Variants in EYA2 observed in about 807,000 individuals in gnomAD.
The protein encoded by EYA2 is protein phosphatase EYA2.
In EYA2, 31 loss-of-function variants were observed where a neutral mutation model predicts 69.2. The ratio of observed to expected loss-of-function variants is 0.45; its 90% CI spans 0.34 to 0.60. The LOEUF (loss-of-function observed/expected upper bound fraction) is 0.60. Among genes scored for constraint, EYA2 ranks in the 20% least tolerant of loss-of-function variants. The pLI is 0.02. For synonymous variants in EYA2, 257 were observed against 279.4 expected (o/e 0.92, Z 0.80); for missense variants, 622 against 701.2 (o/e 0.89, Z 1.28).
At chr20:47,094,312 T>A (rs1193082810) in intron 8 of EYA2, among the ~76,000 whole-genome samples, 1 of 152,268 alleles carries the variant, frequency 6.6e-6, no homozygotes, top group Admixed American at 6.5e-5. Flanking sequence ...ACTTGGCATA[T>A]TTGAATCTCA....
At chr20:47,003,810 A>G (rs1982525406) in intron 3 of EYA2, among the ~76,000 whole-genome samples, 1 of 152,210 alleles carries the variant, frequency 6.6e-6, no homozygotes, top group Non-Finnish European at 1.5e-5. Flanking sequence ...GGTTCCAAGC[A>G]TGGGCTCTGG....
intron 10 of EYA2, among the ~76,000 whole-genome samples, chr20:47,160,575 T>C (rs2034044569): frequency 6.6e-6 from 1 of 151,948 alleles, no homozygotes; most frequent in Non-Finnish European, 1.5e-5. Context: ...GATTTGGTGA[T>C]GGATGGGTGG....
At chr20:47,126,821 A>G (rs1276862108) in intron 9 of EYA2, among the ~76,000 whole-genome samples, 2 of 152,192 alleles carry the variant, frequency 1.3e-5, no homozygotes, top group Non-Finnish European at 2.9e-5. Flanking sequence ...TAGGCGTGCT[A>G]CTGAATTTAG....
chr20:47,039,543 G>A (rs1019218599), intron 5 of EYA2, among the ~76,000 whole-genome samples: 6 of 152,300 alleles, frequency 3.9e-5, no homozygotes, highest in Admixed American at 6.5e-5. Context: ...AGAAAGAAAT[G>A]CGTTTTATAT....
At position 47,179,913 on chromosome 20, in the gene EYA2, G is replaced by C. The variant is rs1331672339; in HGVS notation, c.1313+1G>C. On this transcript the variant is annotated splice_donor_variant, in intron 13 of 15. Transcript: ENST00000327619. LOFTEE classifies it high-confidence loss of function. ...AGGCACTAAACCTCATCAACTCCCG[G>C]CAAGTGGCAGCCCTCATTTTCCTCT... The C allele has an allele frequency of 6.2e-7, 1 of 1,611,202 alleles. No homozygotes were observed. Among genetic ancestry groups the C allele is most frequent in the South Asian group, 1.1e-5 (1 of 90,980 alleles).
At chr20:47,186,801 C>A (rs953847188) in intron 15 of EYA2, among the ~76,000 whole-genome samples, 10 of 152,184 alleles carry the variant, frequency 6.6e-5, no homozygotes, top group African/African-American at 2.2e-4. Flanking sequence ...TTAATGATTT[C>A]TTTACATTCT....
At chr20:46,964,197 A>G (rs1056305271) in intron 1 of EYA2, among the ~76,000 whole-genome samples, 10 of 152,246 alleles carry the variant, frequency 6.6e-5, no homozygotes, top group Admixed American at 5.9e-4. Context: ...AGAATTCGAA[A>G]GCCACTGTTT....
At chr20:47,108,408 C>A (rs2032652178) in intron 9 of EYA2, among the ~76,000 whole-genome samples, 1 of 152,198 alleles carries the variant, frequency 6.6e-6, no homozygotes, top group African/African-American at 2.4e-5. Context: ...CAGCCTGAGG[C>A]CTCACCAGAT....
intron 1 of EYA2, among the ~76,000 whole-genome samples, chr20:46,927,865 C>G (rs1426922191): frequency 6.6e-6 from 1 of 152,162 alleles, no homozygotes; most frequent in Non-Finnish European, 1.5e-5. Flanking sequence ...TCGCTAGTAC[C>G]TGTCTCCAAA....
At chr20:46,949,113 G>A (rs967175446) in intron 1 of EYA2, among the ~76,000 whole-genome samples, 2 of 152,170 alleles carry the variant, frequency 1.3e-5, no homozygotes, top group South Asian at 4.1e-4. Context: ...TCCAGAATAT[G>A]GGGTGTTTGA....
At position 47,172,833 on chromosome 20, in the gene EYA2, G is replaced by A; in HGVS notation, c.1164G>A (p.Lys388=). 1.2e-6 allele frequency: 2 copies of A among 1,613,794 alleles called. No individual in the cohort carries two copies. The highest frequency in any genetic ancestry group is 1.7e-6 in the Non-Finnish European group (2 of 1,179,860). The change falls in exon 12 of 16, where the codon AAG becomes AAA. Residue 388 remains lysine (K), a synonymous_variant. Transcript: ENST00000327619. ...TGGCCTTCCGCTACCGGCGGGTGAAGGAGATGTACAATACCTACAAGAACA... is the reference window on the plus strand; with the variant it reads ...TGGCCTTCCGCTACCGGCGGGTGAAAGAGATGTACAATACCTACAAGAACA... ...RKLAFRYRRV[K]EMYNTYKNNV... is the part of the protein sequence containing the mutation.
At chr20:46,942,424 AG>A (rs1257170043) in intron 1 of EYA2, among the ~76,000 whole-genome samples, 2 of 151,922 alleles carry the variant, frequency 1.3e-5, no homozygotes, top group African/African-American at 2.4e-5. Context: ...TACCATTTTT[AG>A]GGGGGGAAAA....
At chr20:46,897,817 G>A (rs1391716721) in intron 1 of EYA2, among the ~76,000 whole-genome samples, 1 of 152,192 alleles carries the variant, frequency 6.6e-6, no homozygotes, top group African/African-American at 2.4e-5. Context: ...AGGAGTGGAA[G>A]TTGCGACTGG....
chr20:47,111,269 G>T (rs989487984), intron 9 of EYA2, among the ~76,000 whole-genome samples: 1 of 152,220 alleles, frequency 6.6e-6, no homozygotes, highest in South Asian at 2.1e-4. Flanking sequence ...GGCATGAGAA[G>T]TGATCATAGT....
intron 1 of EYA2, among the ~76,000 whole-genome samples, chr20:46,968,960 GT>G (rs1453983176): frequency 6.6e-6 from 1 of 152,248 alleles, no homozygotes; most frequent in Non-Finnish European, 1.5e-5. Context: ...AAATCAACCA[GT>G]GTATGGAAAG....
intron 5 of EYA2, among the ~76,000 whole-genome samples, chr20:47,037,561 T>C (rs1242670032): frequency 6.6e-6 from 1 of 152,224 alleles, no homozygotes; most frequent in East Asian, 1.9e-4. Context: ...CTTACTGGGC[T>C]AAAATCAAGG....
At chr20:47,187,262 G>A (rs992889978) in intron 15 of EYA2, among the ~76,000 whole-genome samples, 2 of 151,596 alleles carry the variant, frequency 1.3e-5, no homozygotes, top group African/African-American at 2.4e-5. Flanking sequence ...CCAGCTACCC[G>A]GGAGGCTAAG....
At position 47,045,508 on chromosome 20, in the gene EYA2, G is replaced by T. The variant is rs548861658; in HGVS notation, c.416-26677G>T. 6.6e-5 allele frequency among the ~76,000 whole-genome samples: 10 copies of T among 152,320 alleles called. No individual in the cohort carries two copies. The South Asian group carries it at 2.1e-3, about 32-fold the overall frequency. On this transcript the variant is annotated intron_variant, in intron 5 of 15. Coordinates refer to ENST00000327619, the MANE Select transcript of EYA2 (RefSeq NM_005244.5). ...ACATACAGGGATCAGAAGAGTTCTT[G>T]ACAGCCATATTTGAAGGTCAGCCTA...
intron 9 of EYA2, among the ~76,000 whole-genome samples, chr20:47,104,614 G>A (rs1262304753): frequency 1.3e-5 from 2 of 152,192 alleles, no homozygotes; most frequent in South Asian, 2.1e-4. Flanking sequence ...TGTGTATGAT[G>A]TGAGGCAGGG....
Sources: gnomAD v4.1 joint callset for allele counts (sites outside exome capture counted in the v4.1 genomes callset) on GRCh38, gnomAD v4.1.1 for gene constraint, MANE v1.5 for transcripts, NCBI Gene and HGNC (gene_info 2026-07-23, HGNC 2026-07-21) for gene names.